Variants in MAGI1 observed in about 807,000 individuals in gnomAD.
MAGI1 encodes the protein membrane-associated guanylate kinase, WW and PDZ domain-containing protein 1.
Under a neutral mutation model 139.9 loss-of-function variants are expected in MAGI1, and 58 were observed. That is an observed-to-expected ratio of 0.41 (90% CI 0.34 to 0.52). The LOEUF is 0.52. Among genes scored for constraint, MAGI1 ranks in the 20% least tolerant of loss-of-function variants. The pLI, the probability that MAGI1 is intolerant of heterozygous loss-of-function variation, is 0.12. For missense variants in MAGI1, 1,874 were observed against 1,901.6 expected (o/e 0.99, Z 0.27); for synonymous variants, 812 against 737.9 (o/e 1.10, Z -1.63).
chr3:65,458,943 A>C (rs1272588574), intron 5 of MAGI1, among the ~76,000 whole-genome samples: 1 of 152,166 alleles, frequency 6.6e-6, no homozygotes, highest in Non-Finnish European at 1.5e-5. Context: ...GAGGTCTTAG[A>C]CTAAAGCCTT....
Position 65,825,409 on chromosome 3 carries a change from A to T in MAGI1, c.314-203321T>A, listed in dbSNP as rs200252653. Among the ~76,000 whole-genome samples, 38 of 152,130 alleles carry T rather than the reference A, an allele frequency of 2.5e-4. 1 individual carries two copies. Among genetic ancestry groups the T allele is most frequent in the South Asian group, 6.2e-4 (3 of 4,826 alleles). ...CTCACAAAAGTAGCACTTCTCCCCA[A>T]CTTCGCATTCAGTGACTTCATATTG... On this transcript the variant is annotated intron_variant, in intron 1 of 22. Coordinates refer to ENST00000402939, the MANE Select transcript of MAGI1 (RefSeq NM_001033057.2).
chr3:65,677,156 T>C (rs1241528659), intron 1 of MAGI1, among the ~76,000 whole-genome samples: 3 of 152,212 alleles, frequency 2.0e-5, no homozygotes, highest in Non-Finnish European at 4.4e-5. Flanking sequence ...GGAAAATCTT[T>C]AGAGTTCAGA....
At chr3:65,382,775 G>C (rs942995097) in intron 15 of MAGI1, among the ~76,000 whole-genome samples, 2 of 152,166 alleles carry the variant, frequency 1.3e-5, no homozygotes, top group African/African-American at 4.8e-5. Flanking sequence ...GTAGCTCTGC[G>C]ATCTTGGGCA....
At chr3:65,357,227 A>C in intron 22 of MAGI1, 95 bp from the exon 23 acceptor site, 8 of 1,271,948 alleles carry the variant, frequency 6.3e-6, no homozygotes, top group Non-Finnish European at 8.6e-6. Flanking sequence ...ATTAGTCACA[A>C]CAAGCAAACA....
At chr3:65,437,093 C>A in intron 10 of MAGI1, 62 bp downstream of exon 10, 1 of 1,189,924 alleles carries the variant, frequency 8.4e-7, no homozygotes, top group Non-Finnish European at 1.2e-6. Flanking sequence ...TTTCAAAATA[C>A]CTTAAAAAAA....
rs151232882 is a variant in MAGI1, at chr3:65,925,915, C to T, written c.313+112081G>A. Among the ~76,000 whole-genome samples the T allele has an allele frequency of 4.7e-3, 720 of 152,230 alleles. 7 individuals carry two copies. Among genetic ancestry groups the T allele is most frequent in the African/African-American group, 0.016 (680 of 41,548 alleles). On this transcript the variant is annotated intron_variant, in intron 1 of 22. Transcript: ENST00000402939. Reference sequence around the variant, plus strand: ...CTGGTCTTGAACTCCTAGGTTAAAGCGATCCACCTGCCTCAGCCTCCCAAA... The same window carrying T: ...CTGGTCTTGAACTCCTAGGTTAAAGTGATCCACCTGCCTCAGCCTCCCAAA...
chr3:65,688,103 T>C (rs571801378), intron 1 of MAGI1: 13 of 759,914 alleles, frequency 1.7e-5, no homozygotes, highest in African/African-American at 1.0e-4. Flanking sequence ...ACACTGCACA[T>C]AGGTGTTGCT....
In MAGI1 at chr3:65,757,432, GT is replaced by G. The variant is rs2107855090; in HGVS notation, c.314-135345del. Among the ~76,000 whole-genome samples, 2 of 152,310 alleles carry G rather than the reference GT, an allele frequency of 1.3e-5. 1 individual carries two copies. The highest frequency in any genetic ancestry group is 4.1e-4 in the South Asian group (2 of 4,826). ...GGCTGAGGCAAGTGGATCACCTGAT[GT>G]TCAAGACCAGCCTGGCCAACATGGC... On this transcript the variant is annotated intron_variant, in intron 1 of 22. Transcript: ENST00000402939.
chr3:65,510,151 T>C (rs1347116506), intron 2 of MAGI1, among the ~76,000 whole-genome samples: 2 of 152,196 alleles, frequency 1.3e-5, no homozygotes, highest in Non-Finnish European at 2.9e-5. Context: ...AAAACCCATC[T>C]GTACATCACC....
At chr3:65,880,921 G>A (rs1231370896) in intron 1 of MAGI1, among the ~76,000 whole-genome samples, 1 of 151,954 alleles carries the variant, frequency 6.6e-6, no homozygotes, top group Non-Finnish European at 1.5e-5. Flanking sequence ...GTGTGTGTGT[G>A]TGTGTGTGTG....
intron 1 of MAGI1, chr3:65,907,583 A>G (rs1043343328): frequency 2.0e-5 from 3 of 152,250 alleles, no homozygotes; most frequent in Non-Finnish European, 4.4e-5. Flanking sequence ...TTAAAAATCT[A>G]GGAATCCACT....
intron 1 of MAGI1, among the ~76,000 whole-genome samples, chr3:65,842,343 G>C (rs78868913): frequency 6.7e-6 from 1 of 149,546 alleles, no homozygotes; most frequent in African/African-American, 2.4e-5. Context: ...CATATCCCCT[G>C]AAATTTTATA....
chr3:65,850,752 C>A (rs766560130), intron 1 of MAGI1, among the ~76,000 whole-genome samples: 3 of 152,164 alleles, frequency 2.0e-5, no homozygotes, highest in Admixed American at 6.6e-5. Context: ...CTTACTTTCT[C>A]CACGGCTGAG....
chr3:65,673,683 T>A (rs1449640605), intron 1 of MAGI1, among the ~76,000 whole-genome samples: 1 of 152,122 alleles, frequency 6.6e-6, no homozygotes, highest in East Asian at 1.9e-4. Context: ...GAAACAACAG[T>A]CATTTGGATC....
intron 2 of MAGI1, among the ~76,000 whole-genome samples, chr3:65,605,880 AC>A (rs1448910792): frequency 6.6e-6 from 1 of 152,198 alleles, no homozygotes; most frequent in Non-Finnish European, 1.5e-5. Context: ...GTCCACTTCT[AC>A]CCACAACCCA....
intron 2 of MAGI1, among the ~76,000 whole-genome samples, chr3:65,495,177 G>A (rs1952334805): frequency 6.6e-6 from 1 of 152,140 alleles, no homozygotes; most frequent in African/African-American, 2.4e-5. Context: ...GGAATCCTAG[G>A]TTCATGGTCT....
intron 1 of MAGI1, among the ~76,000 whole-genome samples, chr3:65,669,929 G>C (rs924079627): frequency 4.6e-5 from 7 of 152,132 alleles, no homozygotes; most frequent in Non-Finnish European, 1.0e-4. Context: ...AATTGATGTG[G>C]ATGGTCTGCC....
At chr3:65,811,125 G>C (rs1007683622) in intron 1 of MAGI1, among the ~76,000 whole-genome samples, 1 of 152,196 alleles carries the variant, frequency 6.6e-6, no homozygotes, top group Non-Finnish European at 1.5e-5. Context: ...TATGTATACA[G>C]AAAAGCCAAA....
chr3:65,530,530 T>C (rs533496864), intron 2 of MAGI1, among the ~76,000 whole-genome samples: 2 of 150,280 alleles, frequency 1.3e-5, no homozygotes, highest in African/African-American at 2.5e-5. Context: ...GGTGGGAGGA[T>C]TGCTTCAGCC....
Sources: allele counts gnomAD v4.1 joint callset (sites outside exome capture counted in the v4.1 genomes callset), GRCh38; gene constraint gnomAD v4.1.1; transcripts MANE v1.5; gene names NCBI Gene and HGNC (gene_info 2026-07-23, HGNC 2026-07-21).